EVL: variants seen among roughly 807,000 people sequenced by gnomAD.
EVL encodes Enah/Vasp-like, also known as ena/VASP-like protein.
EVL carries 21 observed loss-of-function variants against 59.6 expected under a neutral mutation model. The ratio of observed to expected loss-of-function variants is 0.35; its 90% CI spans 0.25 to 0.51. The LOEUF (loss-of-function observed/expected upper bound fraction) is 0.51. EVL is among the 20% of genes least tolerant of loss of function. The pLI is 0.97. For missense variants in EVL, 462 were observed against 546.6 expected (o/e 0.85, Z 1.54); for synonymous variants, 198 against 203.5 (o/e 0.97, Z 0.23).
Position 100,128,503 on chromosome 14 carries a change from C to T in EVL, c.488-16C>T, listed in dbSNP as rs1888221380. 3.7e-6 allele frequency: 6 copies of T among 1,611,712 alleles called. No homozygotes were observed. Among genetic ancestry groups the T allele is most frequent in the African/African-American group, 1.3e-5 (1 of 74,954 alleles). On this transcript the variant is annotated splice_polypyrimidine_tract_variant and intron_variant, in intron 5 of 13. Coordinates refer to ENST00000392920, the MANE Select transcript of EVL (RefSeq NM_016337.3). ...CTGGGTGCTGGAGCTGGCTGAGCCT[C>T]ACTGTTGTGTTTCAGGGCCCATCCT...
At chr14:100,046,753 CTTT>C (rs759300292) in intron 1 of EVL, among the ~76,000 whole-genome samples, 6 of 132,550 alleles carry the variant, frequency 4.5e-5, no homozygotes, top group Non-Finnish European at 6.5e-5. Context: ...CTTTTTCTTT[CTTT>C]TTTTTTTTTT....
At chr14:100,076,414 T>C (rs1390704146) in intron 1 of EVL, among the ~76,000 whole-genome samples, 2 of 152,150 alleles carry the variant, frequency 1.3e-5, no homozygotes, top group Non-Finnish European at 2.9e-5. Context: ...TCACTCTACA[T>C]AGGGAGAAGT....
chr14:100,038,810 G>T (rs2061426939), intron 1 of EVL, among the ~76,000 whole-genome samples: 1 of 151,626 alleles, frequency 6.6e-6, no homozygotes, highest in South Asian at 2.1e-4. Context: ...GTGTGTTGCT[G>T]TAAAGAAAGA....
In EVL at chr14:100,130,464, C is replaced by T. The variant is rs918060767; in HGVS notation, c.839+780C>T. 1.6e-4 allele frequency among the ~76,000 whole-genome samples: 24 copies of T among 152,318 alleles called. No individual in the cohort carries two copies. Among genetic ancestry groups the T allele is most frequent in the African/African-American group, 5.1e-4 (21 of 41,562 alleles). On this transcript the variant is annotated intron_variant, in intron 7 of 13. Coordinates refer to ENST00000392920, the MANE Select transcript of EVL (RefSeq NM_016337.3). The surrounding 1 kb of genome is among the most constrained non-coding windows in gnomAD (Gnocchi z 4.8). The stretch of plus-strand genomic sequence containing the variant: ...AGGGCACGGGAGTAGGCCTCACCTG[C>T]CAGAACAGAGGAAGCTGCAGCGGGG...
At chr14:100,073,998 C>T (rs1483233671) in intron 1 of EVL, among the ~76,000 whole-genome samples, 1 of 130,136 alleles carries the variant, frequency 7.7e-6, no homozygotes, top group Non-Finnish European at 1.6e-5. Flanking sequence ...CAGGGAGTCA[C>T]CCCCGGGGGC....
At position 100,122,116 on chromosome 14, in the gene EVL, G is replaced by A. The variant is rs559392051; in HGVS notation, c.359-1423G>A. ...AGCTGAAACGCCAGGAATCCCTCCC[G>A]CCTCAGCCAGGATGAGTGGCAGTCA... On this transcript the variant is annotated intron_variant, in intron 3 of 13. Coordinates refer to ENST00000392920, the MANE Select transcript of EVL (RefSeq NM_016337.3). 1.2e-4 allele frequency among the ~76,000 whole-genome samples: 18 copies of A among 152,308 alleles called. 1 individual carries two copies. The highest frequency in any genetic ancestry group is 9.6e-4 in the East Asian group (5 of 5,182).
intron 2 of EVL, among the ~76,000 whole-genome samples, chr14:100,095,696 A>G (rs1885760092): frequency 6.6e-6 from 1 of 152,168 alleles, no homozygotes; most frequent in Non-Finnish European, 1.5e-5. Context: ...ATATGTAACA[A>G]TTAAGTTGTG....
intron 2 of EVL, among the ~76,000 whole-genome samples, chr14:100,091,115 T>G (rs61984514): frequency 0.03 from 4,629 of 152,290 alleles, 113 homozygotes; most frequent in Non-Finnish European, 0.047. Context: ...CCAGAGCCCT[T>G]ATTAGAATGT....
At chr14:99,988,321 A>T (rs2060852774) in intron 1 of EVL, among the ~76,000 whole-genome samples, 1 of 152,216 alleles carries the variant, frequency 6.6e-6, no homozygotes, top group Non-Finnish European at 1.5e-5. Flanking sequence ...GCATCATTAG[A>T]CAAGAGGAAA....
chr14:100,123,785 G>C (rs1387127715), intron 4 of EVL, among the ~76,000 whole-genome samples, 183 bp downstream of exon 4: 1 of 152,220 alleles, frequency 6.6e-6, no homozygotes, highest in East Asian at 1.9e-4. Flanking sequence ...CGCAGCCGCT[G>C]GTCCCGGACA....
At chr14:100,143,610 G>A in intron 13 of EVL, 91 bp from the exon 14 acceptor site, 1 of 1,499,038 alleles carries the variant, frequency 6.7e-7, no homozygotes, top group Non-Finnish European at 9.2e-7. Context: ...ACACATACCA[G>A]GCAGGTCCAC....
intron 1 of EVL, among the ~76,000 whole-genome samples, chr14:100,005,527 G>A (rs1395075230): frequency 6.6e-6 from 1 of 151,284 alleles, no homozygotes; most frequent in African/African-American, 2.4e-5. Context: ...GACAGCAGAA[G>A]TAAATGAAGA....
chr14:99,981,899 A>G (rs567233007), intron 1 of EVL, among the ~76,000 whole-genome samples: 4 of 152,332 alleles, frequency 2.6e-5, no homozygotes, highest in African/African-American at 9.6e-5. Flanking sequence ...GCCCAATGAA[A>G]CGAGGTCTGT....
Position 99,972,159 on chromosome 14 carries a change from G to T in EVL, c.5+102G>T. On this transcript the variant is annotated intron_variant, in intron 1 of 13. Transcript: ENST00000402714. This position sits in a 1 kb window ranked among gnomAD's most constrained non-coding sequence, Gnocchi z 4.4. ...CCCGAGGGCGGGAGGGGGGCTCCAC[G>T]GGCGCGGGGGCTTCCAGAGAACCGC... 8.0e-6 allele frequency: 2 copies of T among 251,158 alleles called. No individual in the cohort carries two copies. Among genetic ancestry groups the T allele is most frequent in the Non-Finnish European group, 1.5e-5 (2 of 130,454 alleles). 15.6% of individuals were successfully genotyped at this position (251,158 alleles called of 1,614,324 possible).
intron 13 of EVL, 79 bp from the exon 14 acceptor site, chr14:100,143,622 C>T (rs1044024787): frequency 1.8e-5 from 29 of 1,575,826 alleles, no homozygotes; most frequent in Non-Finnish European, 3.5e-6. Context: ...CAGGTCCACG[C>T]CAGGGGTGCG....
intron 4 of EVL, among the ~76,000 whole-genome samples, chr14:100,126,094 C>T (rs1185881593): frequency 2.0e-5 from 3 of 152,206 alleles, no homozygotes; most frequent in Non-Finnish European, 4.4e-5. Flanking sequence ...GTATCTGGGC[C>T]TCAGTGTCCT....
intron 13 of EVL, 86 bp downstream of exon 13, chr14:100,141,879 T>G (rs185334536): frequency 7.1e-6 from 9 of 1,276,456 alleles, no homozygotes; most frequent in Middle Eastern, 5.1e-4. Context: ...GGCCTCCAGT[T>G]TTGAGCTGGA....
chr14:100,123,563 A>G lies in EVL; in HGVS notation c.383A>G (p.Gln128Arg), dbSNP rs1430958436. 1 of 1,614,048 alleles carries G rather than the reference A, an allele frequency of 6.2e-7. No homozygotes were observed. Among genetic ancestry groups the G allele is most frequent in the African/African-American group, 1.3e-5 (1 of 74,936 alleles). ...EGGPSSQRQVQNGPSPDEMDI... is the reference protein window; with the variant it reads ...EGGPSSQRQVRNGPSPDEMDI... ...GGCCCCTCCAGCCAGCGTCAGGTGC[A>G]GAATGGCCCCTCTCCTGATGAGATG... Residue 128 changes from glutamine (Q) to arginine (R), a missense_variant, in exon 4 of 14, where the codon CAG becomes CGG. By Grantham distance (43) the Gln-to-Arg change is conservative (BLOSUM62 1). Transcript: ENST00000392920.
intron 1 of EVL, among the ~76,000 whole-genome samples, chr14:100,048,039 A>AT (rs2061582788): frequency 6.6e-6 from 1 of 152,242 alleles, no homozygotes; most frequent in Non-Finnish European, 1.5e-5. Flanking sequence ...ACTTGAGACA[A>AT]TCTTCATGAC....
Sources: allele counts gnomAD v4.1 joint callset (sites outside exome capture counted in the v4.1 genomes callset), GRCh38; gene constraint gnomAD v4.1.1; non-coding constraint Gnocchi (gnomAD v3.1); transcripts MANE v1.5; gene names NCBI Gene and HGNC (gene_info 2026-07-23, HGNC 2026-07-21).